CACNG3: variants seen among roughly 807,000 people sequenced by gnomAD.
CACNG3 encodes calcium voltage-gated channel auxiliary subunit gamma 3, also known as voltage-dependent calcium channel gamma-3 subunit.
CACNG3 carries 3 observed loss-of-function variants against 28.5 expected under a neutral mutation model. The observed-to-expected ratio is 0.11, with a 90% CI of 0.05 to 0.27. The LOEUF is 0.27. Among genes scored for constraint, CACNG3 ranks in the 10% least tolerant of loss-of-function variants. The pLI, the probability that CACNG3 is intolerant of heterozygous loss-of-function variation, is 1.00. For missense variants in CACNG3, 236 were observed against 414.4 expected (o/e 0.57, Z 3.74); for synonymous variants, 174 against 162.2 (o/e 1.07, Z -0.55).
chr16:24,304,611 T>C (rs1015597924), intron 1 of CACNG3, among the ~76,000 whole-genome samples: 2 of 152,178 alleles, frequency 1.3e-5, no homozygotes, highest in African/African-American at 4.8e-5. Context: ...TCTCACTCTG[T>C]TGCCCAAGCT....
chr16:24,269,746 CAAAAAAA>C (rs1163565728), intron 1 of CACNG3, among the ~76,000 whole-genome samples: 148 of 71,088 alleles, frequency 2.1e-3, no homozygotes, highest in African/African-American at 4.8e-4. Context: ...GACTCCATCT[CAAAAAAA>C]AAAAAAAAAA....
chr16:24,332,695 T>C (rs971248587), intron 1 of CACNG3, among the ~76,000 whole-genome samples: 1 of 152,146 alleles, frequency 6.6e-6, no homozygotes, highest in Non-Finnish European at 1.5e-5. Context: ...TGCGCAAGGT[T>C]GCACGGACAG....
chr16:24,359,288 T>C (rs1480026679), intron 3 of CACNG3, among the ~76,000 whole-genome samples: 1 of 152,142 alleles, frequency 6.6e-6, no homozygotes, highest in African/African-American at 2.4e-5. Context: ...TATATCCATG[T>C]TCATTTTAAT....
chr16:24,259,689 G>C (rs1263339228), intron 1 of CACNG3, among the ~76,000 whole-genome samples: 1 of 152,178 alleles, frequency 6.6e-6, no homozygotes, highest in African/African-American at 2.4e-5. Flanking sequence ...AGAGAGATTT[G>C]AGATGTTCTG....
chr16:24,306,902 G>A (rs1899192462), intron 1 of CACNG3, among the ~76,000 whole-genome samples: 3 of 152,120 alleles, frequency 2.0e-5, no homozygotes, highest in African/African-American at 7.2e-5. Context: ...CCCTTAGTCT[G>A]TTTGACACGG....
At chr16:24,326,561 C>T (rs913026480) in intron 1 of CACNG3, among the ~76,000 whole-genome samples, 26 of 152,194 alleles carry the variant, frequency 1.7e-4, no homozygotes, top group African/African-American at 4.3e-4. Context: ...GAACCAATCA[C>T]GCCAATCAAG....
At chr16:24,263,997 C>G (rs1480047230) in intron 1 of CACNG3, among the ~76,000 whole-genome samples, 1 of 152,232 alleles carries the variant, frequency 6.6e-6, no homozygotes, top group African/African-American at 2.4e-5. Flanking sequence ...CATGTGCCCA[C>G]CTCAGCAAGG....
chr16:24,313,581 G>C (rs1393532511), intron 1 of CACNG3, among the ~76,000 whole-genome samples: 1 of 152,116 alleles, frequency 6.6e-6, no homozygotes, highest in Non-Finnish European at 1.5e-5. Context: ...ACCTCCACAA[G>C]TGATTCTCCT....
intron 1 of CACNG3, among the ~76,000 whole-genome samples, chr16:24,337,529 T>C (rs1899728418): frequency 6.6e-6 from 1 of 151,884 alleles, no homozygotes; most frequent in Non-Finnish European, 1.5e-5. Context: ...GAGTTAAACA[T>C]ACAGGCCAGG....
At chr16:24,351,375 C>T (rs1899935939) in intron 2 of CACNG3, among the ~76,000 whole-genome samples, 1 of 151,896 alleles carries the variant, frequency 6.6e-6, no homozygotes, top group African/African-American at 2.4e-5. Flanking sequence ...AGTTCGAGAC[C>T]AACCAGACCA....
intron 1 of CACNG3, among the ~76,000 whole-genome samples, chr16:24,308,208 C>T (rs1054928292): frequency 5.9e-5 from 9 of 152,142 alleles, no homozygotes. Context: ...AGTCTATAAA[C>T]GGTGGAATGA....
chr16:24,263,484 T>C (rs112227772), intron 1 of CACNG3, among the ~76,000 whole-genome samples: 1,821 of 152,348 alleles, frequency 0.012, 37 homozygotes, highest in African/African-American at 0.042. Flanking sequence ...AAGGTTGTTT[T>C]AATTTTCTCC....
intron 1 of CACNG3, among the ~76,000 whole-genome samples, chr16:24,298,895 G>A (rs1899068681): frequency 6.6e-6 from 1 of 152,182 alleles, no homozygotes; most frequent in Non-Finnish European, 1.5e-5. Flanking sequence ...GAAGGATCAT[G>A]GGTTTGGGGG....
intron 1 of CACNG3, among the ~76,000 whole-genome samples, chr16:24,325,535 G>T (rs1899529397): frequency 6.6e-6 from 1 of 152,222 alleles, no homozygotes; most frequent in African/African-American, 2.4e-5. Flanking sequence ...CTGAGCGCAA[G>T]CCCCGCCAAC....
chr16:24,264,487 A>G (rs1898572727), intron 1 of CACNG3, among the ~76,000 whole-genome samples: 1 of 152,250 alleles, frequency 6.6e-6, no homozygotes, highest in African/African-American at 2.4e-5. Flanking sequence ...AGGACCCTCC[A>G]ATAACCAATG....
chr16:24,307,363 C>T (rs1451268023), intron 1 of CACNG3, among the ~76,000 whole-genome samples: 2 of 152,022 alleles, frequency 1.3e-5, no homozygotes, highest in African/African-American at 4.8e-5. Context: ...CTCAAGTGAT[C>T]CACCCACCTC....
chr16:24,259,655 A>G (rs764167163), intron 1 of CACNG3, among the ~76,000 whole-genome samples: 10 of 152,146 alleles, frequency 6.6e-5, no homozygotes, highest in Non-Finnish European at 1.3e-4. Context: ...CTGTCTGCAA[A>G]TATCTGAAGG....
chr16:24,275,742 T>C (rs1166606065), intron 1 of CACNG3, among the ~76,000 whole-genome samples: 1 of 152,218 alleles, frequency 6.6e-6, no homozygotes, highest in Non-Finnish European at 1.5e-5. Flanking sequence ...TTTGGAAAAC[T>C]TGTGTCCCTG....
chr16:24,301,635 G>A (rs1490637088), intron 1 of CACNG3, among the ~76,000 whole-genome samples: 1 of 152,128 alleles, frequency 6.6e-6, no homozygotes, highest in East Asian at 1.9e-4. Flanking sequence ...TCTCCCTCCT[G>A]GGGCTATGGG....
Sources: allele counts gnomAD v4.1 joint callset (sites outside exome capture counted in the v4.1 genomes callset), GRCh38; gene constraint gnomAD v4.1.1; transcripts MANE v1.5; gene names NCBI Gene and HGNC (gene_info 2026-07-23, HGNC 2026-07-21).